SGCD: variants seen among roughly 807,000 people sequenced by gnomAD.
SGCD encodes sarcoglycan delta, also known as delta-sarcoglycan.
SGCD carries 18 observed loss-of-function variants against 36.6 expected under a neutral mutation model. The ratio of observed to expected loss-of-function variants is 0.49; its 90% CI spans 0.34 to 0.73. The LOEUF is 0.73. Ranked by LOEUF, SGCD falls within the 30% of genes least tolerant of loss-of-function variation. SGCD has a pLI of 0.01. For missense variants in SGCD, 387 were observed against 346.7 expected (o/e 1.12, Z -0.92); for synonymous variants, 133 against 130.6 (o/e 1.02, Z -0.12).
chr5:155,809,026 T>G, the SGCD span, among the ~76,000 whole-genome samples: 2 of 152,212 alleles, frequency 1.3e-5, no homozygotes, highest in Non-Finnish European at 2.9e-5. Flanking sequence ...ACATATTAAG[T>G]GCATTGTAAG....
intron 2 of SGCD, among the ~76,000 whole-genome samples, chr5:156,340,474 C>G (rs919638571): frequency 2.0e-5 from 3 of 152,068 alleles, no homozygotes; most frequent in Non-Finnish European, 1.5e-5. Context: ...AGTAATGTAC[C>G]TCTACTGGGA....
rs138996255 is a variant in SGCD, at chr5:156,589,418, T to A, written c.382+100T>A. On this transcript the variant is annotated intron_variant, in intron 5 of 8. Coordinates refer to ENST00000337851, the MANE Select transcript of SGCD (RefSeq NM_000337.6). ...ACACCATATGAACCTGAAAATAAAG[T>A]GTGCTAACACATTGTTGAGAAAGAG... 1.3e-4 allele frequency: 88 copies of A among 682,808 alleles called. 1 individual carries two copies. In the East Asian group the frequency reaches 2.4e-3, roughly 18 times the overall value. 42.3% of individuals were successfully genotyped at this position (682,808 alleles called of 1,614,324 possible). A position where few individuals can be genotyped will look rare whatever the true frequency, so the allele number is the denominator to read the frequency against.
At chr5:156,041,749 A>T (rs987020128) in intron 1 of SGCD, among the ~76,000 whole-genome samples, 2 of 152,212 alleles carry the variant, frequency 1.3e-5, no homozygotes, top group Non-Finnish European at 2.9e-5. Context: ...AAGGAAGATC[A>T]TCATAAGGCA....
At chr5:156,656,827 CAGAA>C in intron 7 of SGCD, among the ~76,000 whole-genome samples, 1 of 152,100 alleles carries the variant, frequency 6.6e-6, no homozygotes, top group Non-Finnish European at 1.5e-5. Flanking sequence ...AATGACAAAG[CAGAA>C]AGATTCTACG....
intron 3 of SGCD, among the ~76,000 whole-genome samples, chr5:156,138,894 A>G (rs1762516859): frequency 2.0e-5 from 3 of 152,094 alleles, no homozygotes; most frequent in Admixed American, 2.0e-4. Context: ...ATAAAATAAG[A>G]TTTCTTCTTG....
chr5:155,822,738 G>T, the SGCD span, among the ~76,000 whole-genome samples: 2 of 152,198 alleles, frequency 1.3e-5, no homozygotes, highest in Non-Finnish European at 2.9e-5. Flanking sequence ...ATAAGGAAAA[G>T]CATCGAGCCC....
intron 7 of SGCD, among the ~76,000 whole-genome samples, chr5:156,748,815 T>C (rs1757040631): frequency 6.6e-6 from 1 of 152,132 alleles, no homozygotes; most frequent in Admixed American, 6.5e-5. Flanking sequence ...TTTTTTGAGA[T>C]GGAGTCTCGC....
chr5:155,858,712 C>G, the SGCD span, among the ~76,000 whole-genome samples: 1 of 152,170 alleles, frequency 6.6e-6, no homozygotes, highest in Admixed American at 6.5e-5. Context: ...CCCAGCTTCT[C>G]ATTGGAGGAG....
At chr5:156,163,843 A>C (rs2127619248) in intron 3 of SGCD, among the ~76,000 whole-genome samples, 1 of 150,606 alleles carries the variant, frequency 6.6e-6, no homozygotes, top group Non-Finnish European at 1.5e-5. Flanking sequence ...ACATGATGAA[A>C]CCCCGTCTCT....
At chr5:156,344,778 C>G in intron 3 of SGCD, 101 bp downstream of exon 3, 2 of 830,170 alleles carry the variant, frequency 2.4e-6, no homozygotes, top group African/African-American at 1.7e-5. Context: ...TACAGTAGGA[C>G]TCAAAAAATC....
At chr5:156,009,180 T>G (rs1200901174) in intron 1 of SGCD, among the ~76,000 whole-genome samples, 1 of 152,248 alleles carries the variant, frequency 6.6e-6, no homozygotes, top group Admixed American at 6.5e-5. Flanking sequence ...GACACAGTGA[T>G]GTCCCTTAAC....
chr5:156,449,230 G>A (rs957828204), intron 3 of SGCD, among the ~76,000 whole-genome samples: 2 of 151,986 alleles, frequency 1.3e-5, no homozygotes, highest in East Asian at 1.9e-4. Context: ...AAGCATCTGC[G>A]ATCAGGTAAG....
Position 156,719,064 on chromosome 5 carries a change from C to T in SGCD, c.576-38517C>T, listed in dbSNP as rs151296319. On this transcript the variant is annotated intron_variant, in intron 7 of 8. Coordinates refer to ENST00000337851, the MANE Select transcript of SGCD (RefSeq NM_000337.6). ...TCTTATGTTTATGTATACAAATATG[C>T]ACACACACATACAGAGAGAGAGAAG... 1.6e-3 allele frequency among the ~76,000 whole-genome samples: 249 copies of T among 152,150 alleles called. 1 individual carries two copies. Among genetic ancestry groups the T allele is most frequent in the African/African-American group, 5.7e-3 (237 of 41,494 alleles).
intron 3 of SGCD, among the ~76,000 whole-genome samples, chr5:156,423,238 T>A (rs1426938716): frequency 0.032 from 86 of 2,672 alleles, no homozygotes; most frequent in Non-Finnish European, 0.054. Flanking sequence ...TGTATTATAT[T>A]ATATTTTATA....
chr5:155,756,029 A>G, the SGCD span, among the ~76,000 whole-genome samples: 4 of 152,342 alleles, frequency 2.6e-5, no homozygotes, highest in South Asian at 8.3e-4. Flanking sequence ...CAAAGTGTGT[A>G]TGTAATGGAT....
At chr5:156,336,656 C>T (rs545681542) in intron 2 of SGCD, among the ~76,000 whole-genome samples, 2 of 152,224 alleles carry the variant, frequency 1.3e-5, no homozygotes, top group African/African-American at 4.8e-5. Context: ...TGCATATGCA[C>T]TGAACATCTA....
chr5:156,024,841 T>G, intron 1 of SGCD, among the ~76,000 whole-genome samples: 1 of 151,310 alleles, frequency 6.6e-6, no homozygotes, highest in Non-Finnish European at 1.5e-5. Flanking sequence ...GCCTGTAGTC[T>G]CAGCTACTCG....
At chr5:156,379,889 C>T (rs1009498543) in intron 3 of SGCD, among the ~76,000 whole-genome samples, 13 of 152,166 alleles carry the variant, frequency 8.5e-5, no homozygotes, top group African/African-American at 3.1e-4. Context: ...AGAAAACTCT[C>T]TTAGGAAAAA....
chr5:156,438,669 C>T (rs1460941492), intron 3 of SGCD, among the ~76,000 whole-genome samples: 1 of 152,132 alleles, frequency 6.6e-6, no homozygotes. Flanking sequence ...ATTCTACCAA[C>T]TCTTTTCTTT....
Sources: gnomAD v4.1 joint callset for allele counts (sites outside exome capture counted in the v4.1 genomes callset) on GRCh38, gnomAD v4.1.1 for gene constraint, MANE v1.5 for transcripts, NCBI Gene and HGNC (gene_info 2026-07-23, HGNC 2026-07-21) for gene names.